The following DCLK1 variants were observed in gnomAD, a reference collection of about 807,000 sequenced individuals.
DCLK1 encodes doublecortin like kinase 1.
In DCLK1, 16 loss-of-function variants were observed where a neutral mutation model predicts 86.2. The ratio of observed to expected loss-of-function variants is 0.19; its 90% confidence interval spans 0.13 to 0.28. DCLK1 has a LOEUF of 0.28. Among genes scored for constraint, DCLK1 ranks in the 10% least tolerant of loss-of-function variants. The pLI, the probability that DCLK1 is intolerant of heterozygous loss-of-function variation, is 1.00. For synonymous variants in DCLK1, 369 were observed against 370.5 expected (o/e 1.00, Z 0.05); for missense variants, 590 against 940.2 (o/e 0.63, Z 4.87).
chr13:35,888,821 G>A (rs143010742), intron 4 of DCLK1, among the ~76,000 whole-genome samples: 2 of 152,296 alleles, frequency 1.3e-5, no homozygotes, highest in East Asian at 3.9e-4. Context: ...ATAACTTGCT[G>A]TTGGTGGCTA....
intron 4 of DCLK1, among the ~76,000 whole-genome samples, chr13:35,895,903 A>G (rs373688251): frequency 1.2e-4 from 17 of 147,570 alleles, no homozygotes; most frequent in African/African-American, 3.8e-4. Context: ...AAATTTTTAA[A>G]AAATTCTACA....
chr13:35,897,757 A>AAAGC (rs1874090734), intron 4 of DCLK1, among the ~76,000 whole-genome samples: 1 of 152,210 alleles, frequency 6.6e-6, no homozygotes, highest in East Asian at 1.9e-4. Context: ...TATAAAAACA[A>AAAGC]AAGCAACTGA....
chr13:35,774,568 G>A lies in DCLK1; in HGVS notation c.2190C>T (p.Ser730=), dbSNP rs755788470. 4.5e-6 allele frequency: 7 copies of A among 1,562,244 alleles called. No homozygotes were observed. The highest frequency in any genetic ancestry group is 1.2e-5 in the South Asian group (1 of 85,102). The change falls in exon 17 of 17, where the codon TCC becomes TCT. Residue 730 remains serine (S), a synonymous_variant. Transcript: ENST00000360631. ...GCGAGTTAGGGGAGCGAACAGTCTC[G>A]GAGGAGCTTGGGGAGTAGTCTTCCG... ...SESEDYSPSS[S]ETVRSPNSPF
In DCLK1 at chr13:35,987,892, T is replaced by C. The variant is rs573066711; in HGVS notation, c.724-40435A>G. On this transcript the variant is annotated intron_variant, in intron 3 of 16. Transcript: ENST00000360631. ...GATGCCTGAACATTTCTAGAGCTTT[T>C]ATGGCACAATCTCCTCCCTGCTCCC... 2.6e-5 allele frequency among the ~76,000 whole-genome samples: 4 copies of C among 152,292 alleles called. No individual in the cohort carries two copies. In the East Asian group the frequency reaches 5.8e-4, roughly 22 times the overall value.
intron 4 of DCLK1, among the ~76,000 whole-genome samples, chr13:35,894,784 T>C (rs1284350600): frequency 6.6e-6 from 1 of 152,190 alleles, no homozygotes; most frequent in Non-Finnish European, 1.5e-5. Context: ...CAAGAGAAGA[T>C]GAACAAGAGC....
At chr13:36,083,597 C>T (rs898054903) in intron 3 of DCLK1, among the ~76,000 whole-genome samples, 1 of 152,164 alleles carries the variant, frequency 6.6e-6, no homozygotes, top group Admixed American at 6.5e-5. Context: ...TTCTAAGAAA[C>T]AAGCAATTGT....
chr13:36,119,040 G>A (rs553337728), intron 2 of DCLK1, among the ~76,000 whole-genome samples: 4 of 152,198 alleles, frequency 2.6e-5, no homozygotes, highest in African/African-American at 9.6e-5. Flanking sequence ...AATTTTGAGG[G>A]GGTCCCAAAC....
intron 4 of DCLK1, among the ~76,000 whole-genome samples, chr13:35,886,177 AATTTTTTGT>A (rs1566586037): frequency 6.6e-6 from 1 of 151,872 alleles, no homozygotes; most frequent in African/African-American, 2.4e-5. Flanking sequence ...ATGCCTGGCT[AATTTTTTGT>A]ATTTTTAGTA....
chr13:35,781,466 A>C (rs924367751), intron 16 of DCLK1, among the ~76,000 whole-genome samples: 1 of 152,216 alleles, frequency 6.6e-6, no homozygotes, highest in African/African-American at 2.4e-5. Flanking sequence ...CTCTTAGCAA[A>C]CAATAGGCCT....
In DCLK1 at chr13:35,954,318, T is replaced by C. The variant is rs1371905302; in HGVS notation, c.724-6861A>G. ...TGTGACCATTATAATTAGCTTTCAG[T>C]TAAAACTTGGCACATATGGGGCTCC... On this transcript the variant is annotated intron_variant, in intron 3 of 16. Coordinates refer to ENST00000360631, the MANE Select transcript of DCLK1 (RefSeq NM_001330071.2). Among the ~76,000 whole-genome samples, 3 of 152,308 alleles carry C rather than the reference T, an allele frequency of 2.0e-5. No homozygotes were observed. The East Asian group carries it at 5.8e-4, about 29-fold the overall frequency.
At chr13:35,839,462 C>T (rs370345935) in intron 6 of DCLK1, among the ~76,000 whole-genome samples, 1 of 152,156 alleles carries the variant, frequency 6.6e-6, no homozygotes, top group Non-Finnish European at 1.5e-5. Flanking sequence ...TCCTTTAGCT[C>T]GCTGTTTGGG....
chr13:36,089,144 C>T (rs904707468), intron 3 of DCLK1, among the ~76,000 whole-genome samples: 2 of 152,116 alleles, frequency 1.3e-5, no homozygotes, highest in African/African-American at 2.4e-5. Flanking sequence ...TAAAATGCTT[C>T]GGAAGCGGTT....
At chr13:35,835,809 T>TA (rs1356410151) in intron 8 of DCLK1, among the ~76,000 whole-genome samples, 1 of 152,180 alleles carries the variant, frequency 6.6e-6, no homozygotes, top group Non-Finnish European at 1.5e-5. Context: ...TGAGTACATT[T>TA]AAAAAAATCA....
At chr13:35,914,680 C>A (rs975698697) in intron 4 of DCLK1, among the ~76,000 whole-genome samples, 6 of 150,420 alleles carry the variant, frequency 4.0e-5, no homozygotes, top group Admixed American at 2.0e-4. Context: ...CACACCACTG[C>A]ACTCCAGCCT....
chr13:36,069,647 G>A (rs1259224682), intron 3 of DCLK1, among the ~76,000 whole-genome samples: 2 of 152,042 alleles, frequency 1.3e-5, no homozygotes, highest in Non-Finnish European at 2.9e-5. Context: ...TCCCAGAGCC[G>A]CCACCTCTTC....
chr13:35,930,712 T>C (rs1439964972), intron 4 of DCLK1, among the ~76,000 whole-genome samples: 2 of 152,172 alleles, frequency 1.3e-5, no homozygotes, highest in Non-Finnish European at 2.9e-5. Context: ...GCTTCCTACA[T>C]AAGCAAGCTG....
At chr13:35,900,182 A>G (rs1874263818) in intron 4 of DCLK1, among the ~76,000 whole-genome samples, 1 of 152,098 alleles carries the variant, frequency 6.6e-6, no homozygotes, top group African/African-American at 2.4e-5. Context: ...AAATGTAATC[A>G]GGGAGAGAGT....
chr13:36,028,719 G>A (rs1335397458), intron 3 of DCLK1, among the ~76,000 whole-genome samples: 2 of 152,196 alleles, frequency 1.3e-5, no homozygotes, highest in Non-Finnish European at 2.9e-5. Flanking sequence ...AGACCTTACT[G>A]ATAAAACAGA....
At chr13:36,110,827 ATTTT>A (rs869131031) in intron 3 of DCLK1, among the ~76,000 whole-genome samples, 2 of 120,168 alleles carry the variant, frequency 1.7e-5, no homozygotes, top group African/African-American at 3.2e-5. Flanking sequence ...CATATAATCA[ATTTT>A]TTTTTTTTTT....
Sources: allele counts gnomAD v4.1 joint callset (sites outside exome capture counted in the v4.1 genomes callset), GRCh38; gene constraint gnomAD v4.1.1; transcripts MANE v1.5; gene names NCBI Gene and HGNC (gene_info 2026-07-23, HGNC 2026-07-21).